The following SPMIP2 variants were observed in gnomAD, a reference collection of about 807,000 sequenced individuals.
The protein encoded by SPMIP2 is protein SPMIP2.
At chr4:159,013,475 G>A in the SPMIP2 span, among the ~76,000 whole-genome samples, 31 of 152,310 alleles carry the variant, frequency 2.0e-4, no homozygotes, top group Non-Finnish European at 4.0e-4. Context: ...TAGGGTTGGT[G>A]ACTGGTGAGC....
chr4:158,991,576 C>T, the SPMIP2 span, among the ~76,000 whole-genome samples: 1 of 152,220 alleles, frequency 6.6e-6, no homozygotes, highest in Admixed American at 6.5e-5. Context: ...TAATCACCAT[C>T]ACTCCCCGTG....
the SPMIP2 span, among the ~76,000 whole-genome samples, chr4:158,939,414 C>T: frequency 6.6e-6 from 1 of 151,974 alleles, no homozygotes. Context: ...ATCTCCACAC[C>T]ACCCCATAAT....
chr4:159,031,932 T>C, the SPMIP2 span, among the ~76,000 whole-genome samples: 2 of 152,134 alleles, frequency 1.3e-5, no homozygotes, highest in African/African-American at 2.4e-5. Flanking sequence ...TTAAAAAATA[T>C]TGATGGGGGC....
the SPMIP2 span, among the ~76,000 whole-genome samples, chr4:158,968,873 C>A: frequency 0.021 from 3,166 of 152,174 alleles, 108 homozygotes; most frequent in African/African-American, 0.072. Flanking sequence ...TCCATAAAAC[C>A]GTCACAAAGA....
At chr4:158,941,126 T>C in the SPMIP2 span, among the ~76,000 whole-genome samples, 2 of 152,004 alleles carry the variant, frequency 1.3e-5, no homozygotes, top group East Asian at 3.8e-4. Flanking sequence ...GAAAAAAAAA[T>C]GCAAATGCAC....
the SPMIP2 span, among the ~76,000 whole-genome samples, chr4:158,901,442 C>G: frequency 2.0e-5 from 3 of 152,048 alleles, no homozygotes; most frequent in African/African-American, 7.2e-5. Flanking sequence ...ATTTCAACCT[C>G]CGTGAATCTG....
chr4:158,937,284 G>A, the SPMIP2 span, among the ~76,000 whole-genome samples: 1 of 152,158 alleles, frequency 6.6e-6, no homozygotes, highest in Non-Finnish European at 1.5e-5. Context: ...TTGGATGAAC[G>A]AATGACTAGA....
the SPMIP2 span, among the ~76,000 whole-genome samples, chr4:159,077,599 G>A: frequency 6.6e-6 from 1 of 152,144 alleles, no homozygotes; most frequent in Non-Finnish European, 1.5e-5. Flanking sequence ...AAACCCAGCT[G>A]TATTAGAAAT....
At chr4:159,079,750 A>C in the SPMIP2 span, among the ~76,000 whole-genome samples, 1 of 152,138 alleles carries the variant, frequency 6.6e-6, no homozygotes, top group South Asian at 2.1e-4. Flanking sequence ...TTGTCACAGG[A>C]TATTACTTTT....
At chr4:159,012,927 A>G in the SPMIP2 span, among the ~76,000 whole-genome samples, 1 of 152,182 alleles carries the variant, frequency 6.6e-6, no homozygotes, top group South Asian at 2.1e-4. Context: ...CTGCTTAATT[A>G]GATTTCCACT....
chr4:158,997,425 T>G, the SPMIP2 span, among the ~76,000 whole-genome samples: 2 of 152,146 alleles, frequency 1.3e-5, no homozygotes, highest in Non-Finnish European at 2.9e-5. Context: ...AGACAGGGTT[T>G]CACTGTGTTG....
chr4:158,940,195 T>C, the SPMIP2 span, among the ~76,000 whole-genome samples: 6 of 152,318 alleles, frequency 3.9e-5, no homozygotes, highest in African/African-American at 1.4e-4. Flanking sequence ...CCTGTGTCTT[T>C]ACATGGTTCT....
the SPMIP2 span, among the ~76,000 whole-genome samples, chr4:158,931,747 G>A: frequency 1.3e-5 from 2 of 151,814 alleles, no homozygotes; most frequent in Non-Finnish European, 2.9e-5. Context: ...ATTTTCAGTA[G>A]GGATGGGGTT....
chr4:158,980,113 C>T, the SPMIP2 span, among the ~76,000 whole-genome samples: 1 of 152,160 alleles, frequency 6.6e-6, no homozygotes, highest in African/African-American at 2.4e-5. Context: ...GCAGCACCCT[C>T]CACAGCTCAG....
chr4:159,034,933 G>T, the SPMIP2 span: 3 of 828,362 alleles, frequency 3.6e-6, no homozygotes, highest in Non-Finnish European at 5.7e-6. Context: ...AAAAACATAT[G>T]TGATCATTGC....
chr4:158,949,119 T>G, the SPMIP2 span, among the ~76,000 whole-genome samples: 13 of 152,346 alleles, frequency 8.5e-5, no homozygotes, highest in East Asian at 9.6e-4. Context: ...TTCTAGACCA[T>G]ACTGAATCTT....
the SPMIP2 span, among the ~76,000 whole-genome samples, chr4:159,000,135 T>G: frequency 6.6e-6 from 1 of 152,104 alleles, no homozygotes; most frequent in Admixed American, 6.5e-5. Flanking sequence ...ATGAACAGGG[T>G]TGTCAGATTT....
the SPMIP2 span, among the ~76,000 whole-genome samples, chr4:159,047,204 T>TA: frequency 6.6e-6 from 1 of 152,126 alleles, no homozygotes; most frequent in African/African-American, 2.4e-5. Context: ...TTATAGTTTT[T>TA]AAAAAAATTA....
At chr4:159,070,470 G>C in the SPMIP2 span, among the ~76,000 whole-genome samples, 3 of 152,126 alleles carry the variant, frequency 2.0e-5, no homozygotes, top group African/African-American at 7.2e-5. Flanking sequence ...AGTTCACTAA[G>C]CTTTGACCTA....
Sources: gnomAD v4.1 joint callset for allele counts (sites outside exome capture counted in the v4.1 genomes callset) on GRCh38, gnomAD v4.1.1 for gene constraint, MANE v1.5 for transcripts, NCBI Gene and HGNC (gene_info 2026-07-23, HGNC 2026-07-21) for gene names.